Variants in PSMC3IP observed in about 807,000 individuals in gnomAD.
The protein encoded by PSMC3IP is homologous-pairing protein 2 homolog.
In PSMC3IP, 26 loss-of-function variants were observed where a neutral mutation model predicts 34.9. The observed-to-expected ratio is 0.74, with a 90% CI of 0.55 to 1.03. PSMC3IP has a LOEUF of 1.03. Ranked by LOEUF, PSMC3IP falls within the 50% of genes least tolerant of loss-of-function variation. PSMC3IP has a pLI of 0.00. For synonymous variants in PSMC3IP, 87 were observed against 96.5 expected, an observed-to-expected ratio of 0.90 and a Z score of 0.57; for missense variants, 250 against 263.1, an observed-to-expected ratio of 0.95 and a Z score of 0.34.
At chr17:42,577,767 C>T (rs2143337336), upstream of PSMC3IP, 1 of 1,553,512 alleles carries the variant, frequency 6.4e-7, no homozygotes, top group East Asian at 2.2e-5. Context: ...CGGGGGCGGG[C>T]CTCGAACGGT....
intron 3 of PSMC3IP, 133 bp downstream of exon 3, chr17:42,577,080 C>T: frequency 1.3e-6 from 2 of 1,545,276 alleles, no homozygotes; most frequent in Non-Finnish European, 1.7e-6. Flanking sequence ...GAGTACACAC[C>T]TTGATTTAAG....
In PSMC3IP at chr17:42,574,899, G is replaced by A. The variant is rs566512071; in HGVS notation, c.226-689C>T. ...CTCCTAAGTAGCTGGGATTACAGGC[G>A]CGCACCACCAAGCGCAGCTAATTTT... is the stretch of plus-strand genomic sequence containing the variant. On this transcript the variant is annotated intron_variant, in intron 3 of 7. Coordinates refer to ENST00000393795, the MANE Select transcript of PSMC3IP (RefSeq NM_016556.4). 7.2e-5 allele frequency among the ~76,000 whole-genome samples: 11 copies of A among 152,124 alleles called. No individual in the cohort carries two copies. The East Asian group carries it at 1.5e-3, about 21-fold the overall frequency.
rs759649887 is a variant in PSMC3IP at position 42,572,804 on chromosome 17, C to G, written c.*164G>C. 1.2e-6 allele frequency: 1 copy of G among 827,080 alleles called. No homozygotes were observed. The highest frequency in any genetic ancestry group is 1.4e-5 in the South Asian group (1 of 70,104). 51.2% of individuals were successfully genotyped at this position (827,080 alleles called of 1,614,324 possible). A position where few individuals can be genotyped will look rare whatever the true frequency, so the allele number is the denominator to read the frequency against. On this transcript the variant is annotated 3_prime_UTR_variant, in exon 8 of 8. Coordinates refer to ENST00000393795, the MANE Select transcript of PSMC3IP (RefSeq NM_016556.4). ...CTACCCCCAGCCACCAGCCCTCATCCTCTCTACCCAGTGCTCTGGTTTATG... is the reference window on the plus strand; with the variant it reads ...CTACCCCCAGCCACCAGCCCTCATCGTCTCTACCCAGTGCTCTGGTTTATG...
intron 4 of PSMC3IP, 44 bp from the exon 5 acceptor site, chr17:42,573,667 G>C (rs935758747): frequency 3.1e-6 from 5 of 1,606,906 alleles, no homozygotes; most frequent in Non-Finnish European, 4.3e-6. Flanking sequence ...CCCTGAGGAA[G>C]GAGTTCTGTC....
chr17:42,577,404 C>T, intron 2 of PSMC3IP, 57 bp downstream of exon 2: 2 of 1,610,222 alleles, frequency 1.2e-6, no homozygotes, highest in South Asian at 2.2e-5. Flanking sequence ...AAGGGCACGA[C>T]CCCAGCCTGA....
Position 42,572,935 on chromosome 17 carries a change from C to T in PSMC3IP, c.*33G>A. 1 of 1,610,888 alleles carries T rather than the reference C, an allele frequency of 6.2e-7. No homozygotes were observed. Among genetic ancestry groups the T allele is most frequent in the Non-Finnish European group, 8.5e-7 (1 of 1,177,500 alleles). On this transcript the variant is annotated 3_prime_UTR_variant, in exon 8 of 8. Coordinates refer to ENST00000393795, the MANE Select transcript of PSMC3IP (RefSeq NM_016556.4). ...CAAGACATCTCACTCTTCTGACATC[C>T]TGCAGTCCCCACCAGTCCTGACCGT...
In PSMC3IP at chr17:42,575,097, T is replaced by C. The variant is rs377394290; in HGVS notation, c.226-887A>G. On this transcript the variant is annotated intron_variant, in intron 3 of 7. Coordinates refer to ENST00000393795, the MANE Select transcript of PSMC3IP (RefSeq NM_016556.4). ...AGGGATTCCAGTAAGTCTGAGGAGCTTCTCTCATGAGGGGCCATTGCTAGA... is the reference window on the plus strand; with the variant it reads ...AGGGATTCCAGTAAGTCTGAGGAGCCTCTCTCATGAGGGGCCATTGCTAGA... 3.9e-3 allele frequency among the ~76,000 whole-genome samples: 587 copies of C among 152,224 alleles called. 8 individuals are homozygous for C. Among genetic ancestry groups the C allele is most frequent in the African/African-American group, 0.013 (557 of 41,530 alleles).
rs1327121667 is a variant in PSMC3IP, at chr17:42,577,311, GGA to G, written c.136-11_136-10del. On this transcript the variant is annotated splice_polypyrimidine_tract_variant and intron_variant, in intron 2 of 7. Coordinates refer to ENST00000393795, the MANE Select transcript of PSMC3IP (RefSeq NM_016556.4). Reference sequence around the variant, plus strand: ...AGCGTCTTCACCACCACCTGGCAGAGGAGAGAGAAGGAGCAATCAGAGGAGTC... The same window carrying G: ...AGCGTCTTCACCACCACCTGGCAGAGGAGAGAAGGAGCAATCAGAGGAGTC... 6.2e-7 allele frequency: 1 copy of G among 1,613,638 alleles called. No individual in the cohort carries two copies. Among genetic ancestry groups the G allele is most frequent in the Non-Finnish European group, 8.5e-7 (1 of 1,179,674 alleles).
intron 7 of PSMC3IP, 38 bp downstream of exon 7, chr17:42,573,069 A>AC: frequency 6.2e-7 from 1 of 1,614,182 alleles, no homozygotes; most frequent in Non-Finnish European, 8.5e-7. Context: ...CCAGGATAAG[A>AC]CCACAGGGAA....
At chr17:42,573,796 G>A in intron 4 of PSMC3IP, 173 bp from the exon 5 acceptor site, 1 of 1,516,166 alleles carries the variant, frequency 6.6e-7, no homozygotes, top group South Asian at 1.2e-5. Flanking sequence ...CCATCTACAA[G>A]TGGCGTGGGT....
In PSMC3IP at chr17:42,574,179, A is replaced by T; in HGVS notation, c.257T>A (p.Leu86His). Residue 86 changes from leucine (L) to histidine (H), a missense_variant, in exon 4 of 8, where the codon CTT (leucine) becomes CAT (histidine). Coordinates refer to ENST00000393795, the MANE Select transcript of PSMC3IP (RefSeq NM_016556.4). ...DQFDMVSDAD[L>H]QVLDGKIVAL... ...CACGATTTTGCCATCTAGGACTTGAAGGTCAGCATCACTCACCATGTCAAA... is the reference window on the plus strand; with the variant it reads ...CACGATTTTGCCATCTAGGACTTGATGGTCAGCATCACTCACCATGTCAAA... 1.2e-6 allele frequency: 2 copies of T among 1,614,164 alleles called. No individual in the cohort carries two copies. The highest frequency in any genetic ancestry group is 2.7e-5 in the African/African-American group (2 of 75,048).
At chr17:42,575,791 G>A (rs1022253944) in intron 3 of PSMC3IP, among the ~76,000 whole-genome samples, 9 of 149,730 alleles carry the variant, frequency 6.0e-5, no homozygotes, top group Admixed American at 2.0e-4. Flanking sequence ...GGTGGATCAC[G>A]AGGTCAGGAG....
In PSMC3IP at chr17:42,574,116, C is replaced by T; in HGVS notation, c.320G>A (p.Cys107Tyr). 6.2e-7 allele frequency: 1 copy of T among 1,614,190 alleles called. No individual in the cohort carries two copies. The highest frequency in any genetic ancestry group is 1.3e-5 in the African/African-American group (1 of 75,056). Residue 107 changes from cysteine to tyrosine, a missense_variant, in exon 4 of 8, where the codon TGC becomes TAC. Cys to Tyr is a radical substitution (Grantham distance 194). Coordinates refer to ENST00000393795, the MANE Select transcript of PSMC3IP (RefSeq NM_016556.4). ...AGTCCTACCAGCCTCCATGTAGCGG[C>T]AGCTCTGCTGCAAGCTCTGCACCTT... is the stretch of plus-strand genomic sequence containing the variant. ...TAKVQSLQQS[C>Y]RYMEAELKEL...
In PSMC3IP at chr17:42,576,082, C is replaced by T. The variant is rs190140503; in HGVS notation, c.225+1131G>A. Among the ~76,000 whole-genome samples, 86 of 152,192 alleles carry T rather than the reference C, an allele frequency of 5.7e-4. 1 individual carries two copies. Among genetic ancestry groups the T allele is most frequent in the African/African-American group, 1.7e-3 (70 of 41,526 alleles). ...GGGCCTGAAAAAGAAACAATTAGCT[C>T]GGAGCATTCAAGGAAGATTTCTGGA... On this transcript the variant is annotated intron_variant, in intron 3 of 7. Coordinates refer to ENST00000393795, the MANE Select transcript of PSMC3IP (RefSeq NM_016556.4).
At position 42,573,312 on chromosome 17, in the gene PSMC3IP, ATCCTCT is replaced by A. The variant is rs1380380449; in HGVS notation, c.530_535del (p.Lys177_Arg178del). ...GTCTCGGAGCTCCCACACACTTACC[ATCCTCT>A]TCCTCTTCCTCCACTCCTTACAGTA... On this transcript the variant is annotated inframe_deletion and splice_region_variant, in exon 6 of 8. Transcript: ENST00000393795. The A allele has an allele frequency of 3.1e-6, 5 of 1,613,828 alleles. No individual in the cohort carries two copies. The African/African-American group carries it at 4.0e-5, about 13-fold the overall frequency.
intron 5 of PSMC3IP, 23 bp from the exon 6 acceptor site, chr17:42,573,387 T>A (rs777940007): frequency 6.2e-7 from 1 of 1,614,176 alleles, no homozygotes; most frequent in South Asian, 1.1e-5. Context: ...AGCAAGTTCC[T>A]CTAACTCCTC....
At position 42,572,528 on chromosome 17, in the gene PSMC3IP, A is replaced by G. The variant is rs755493694; in HGVS notation, c.*440T>C. 17 of 454,326 alleles carry G rather than the reference A, an allele frequency of 3.7e-5. No homozygotes were observed. The highest frequency in any genetic ancestry group is 6.8e-4 in the Middle Eastern group (1 of 1,464). The allele number at this position is 454,326 out of a possible 1,614,324, so 28.1% of individuals were successfully genotyped here. On this transcript the variant is annotated 3_prime_UTR_variant, in exon 8 of 8. Coordinates refer to ENST00000393795, the MANE Select transcript of PSMC3IP (RefSeq NM_016556.4). ...GGCTCCTGGGGTACACAAGCCCAGCAGGTCCTGAGTGAAGCCGTGGGCCCT... is the reference window on the plus strand; with the variant it reads ...GGCTCCTGGGGTACACAAGCCCAGCGGGTCCTGAGTGAAGCCGTGGGCCCT...
At position 42,572,462 on chromosome 17, in the gene PSMC3IP, C is replaced by CTT. The variant is rs1379743698; in HGVS notation, c.*504_*505dup. ...AGTGTTGCCTGCATTTCTCCCAGGA[C>CTT]TTGGGGGTGGGGTGAAAAGCGTACA... On this transcript the variant is annotated 3_prime_UTR_variant, in exon 8 of 8. Coordinates refer to ENST00000393795, the MANE Select transcript of PSMC3IP (RefSeq NM_016556.4). 2.4e-5 allele frequency: 11 copies of CTT among 454,408 alleles called. No individual in the cohort carries two copies. Among genetic ancestry groups the CTT allele is most frequent in the Admixed American group, 2.1e-4 (9 of 42,550 alleles). 28.1% of individuals were successfully genotyped at this position (454,408 alleles called of 1,614,324 possible). A position where few individuals can be genotyped will look rare whatever the true frequency, so the allele number is the denominator to read the frequency against.
chr17:42,575,730 T>C (rs1460866880), intron 3 of PSMC3IP, among the ~76,000 whole-genome samples: 1 of 151,588 alleles, frequency 6.6e-6, no homozygotes. Context: ...AGGGCCAGGC[T>C]GGGCACAGTG....
Sources: gnomAD v4.1 joint callset for allele counts (sites outside exome capture counted in the v4.1 genomes callset) on GRCh38, gnomAD v4.1.1 for gene constraint, MANE v1.5 for transcripts, NCBI Gene and HGNC (gene_info 2026-07-23, HGNC 2026-07-21) for gene names.